The following SEPTIN14 variants were observed in gnomAD, a reference collection of about 807,000 sequenced individuals.
The protein encoded by SEPTIN14 is septin 14.
SEPTIN14 carries 40 observed loss-of-function variants against 53.6 expected under a neutral mutation model. The observed-to-expected ratio is 0.75, with a 90% CI of 0.58 to 0.97. SEPTIN14 has a LOEUF of 0.97. Among genes scored for constraint, SEPTIN14 ranks in the 50% least tolerant of loss-of-function variants. SEPTIN14 has a pLI of 0.00. For synonymous variants in SEPTIN14, 138 were observed against 166.8 expected, an observed-to-expected ratio of 0.83 and a Z score of 1.33; for missense variants, 471 against 508.2, an observed-to-expected ratio of 0.93 and a Z score of 0.70.
intron 5 of SEPTIN14, among the ~76,000 whole-genome samples, chr7:55,839,064 T>C (rs560971205): frequency 1.3e-5 from 2 of 152,246 alleles, no homozygotes; most frequent in African/African-American, 4.8e-5. Context: ...TTATCTCACA[T>C]CATCATAAGA....
intron 6 of SEPTIN14, among the ~76,000 whole-genome samples, chr7:55,825,683 G>T (rs1788970223): frequency 6.6e-6 from 1 of 152,078 alleles, no homozygotes; most frequent in African/African-American, 2.4e-5. Flanking sequence ...AAAGAAGGAT[G>T]GGGCCGGGCG....
chr7:55,793,797 T>A lies in SEPTIN14; in HGVS notation c.*2116A>T, dbSNP rs1243201038. 6.6e-6 allele frequency: 1 copy of A among 151,946 alleles called. No homozygotes were observed. The highest frequency in any genetic ancestry group is 1.5e-5 in the Non-Finnish European group (1 of 67,952). 9.4% of individuals were successfully genotyped at this position (151,946 alleles called of 1,614,324 possible). A position where few individuals can be genotyped will look rare whatever the true frequency, so the allele number is the denominator to read the frequency against. The stretch of plus-strand genomic sequence containing the variant: ...ATAGTAACCAAAAACGAAATCTACA[T>A]AGAATATACACAAAAGGAAATGAGA... On this transcript the variant is annotated 3_prime_UTR_variant, in exon 10 of 10. Transcript: ENST00000388975.
Position 55,841,228 on chromosome 7 carries a change from G to T in SEPTIN14, c.558+1714C>A, listed in dbSNP as rs145306763. ...CTGGCTATTTAGAGATCTATTTATT[G>T]AATTTCTGGATTCAGGGGATATATG... On this transcript the variant is annotated intron_variant, in intron 5 of 9. Coordinates refer to ENST00000388975, the MANE Select transcript of SEPTIN14 (RefSeq NM_207366.3). Among the ~76,000 whole-genome samples, 425 of 152,118 alleles carry T rather than the reference G, an allele frequency of 2.8e-3. 5 individuals carry two copies. The highest frequency in any genetic ancestry group is 0.01 in the Middle Eastern group (3 of 294).
chr7:55,832,004 C>T (rs1434293089), intron 6 of SEPTIN14, among the ~76,000 whole-genome samples: 1 of 152,082 alleles, frequency 6.6e-6, no homozygotes, highest in Non-Finnish European at 1.5e-5. Context: ...GAGTTCAAGA[C>T]CAGCCTGACC....
At chr7:55,806,824 C>T (rs983828956) in intron 8 of SEPTIN14, among the ~76,000 whole-genome samples, 2 of 152,100 alleles carry the variant, frequency 1.3e-5, no homozygotes, top group African/African-American at 4.8e-5. Context: ...GAACAAAATA[C>T]TGGGTTTTTT....
At chr7:55,801,928 T>C (rs749619020) in intron 9 of SEPTIN14, among the ~76,000 whole-genome samples, 32 of 151,270 alleles carry the variant, frequency 2.1e-4, no homozygotes, top group Non-Finnish European at 4.0e-4. Context: ...CTTAAATAGA[T>C]AAATAAAATG....
At chr7:55,852,306 A>T (rs1402258895) in intron 2 of SEPTIN14, among the ~76,000 whole-genome samples, 3 of 152,172 alleles carry the variant, frequency 2.0e-5, no homozygotes, top group Non-Finnish European at 4.4e-5. Flanking sequence ...AACTACAATA[A>T]CCAAAACAGC....
chr7:55,861,972 G>A lies in SEPTIN14; in HGVS notation c.25C>T (p.Pro9Ser), dbSNP rs368346447. ...TCTCCATCAGCAGGTATTTGTGTGG[G>A]CATAGCCATTGTTCTTTCTGCCATG... The part of the protein sequence containing the change: MAERTMAM[P>S]TQIPADGDTQ... Residue 9 changes from proline to serine, a missense_variant, in exon 2 of 10, where the codon CCC becomes TCC. Coordinates refer to ENST00000388975, the MANE Select transcript of SEPTIN14 (RefSeq NM_207366.3). 1.9e-6 allele frequency: 3 copies of A among 1,583,096 alleles called. No homozygotes were observed. Among genetic ancestry groups the A allele is most frequent in the Admixed American group, 3.7e-5 (2 of 53,902 alleles).
intron 6 of SEPTIN14, among the ~76,000 whole-genome samples, chr7:55,820,215 G>A (rs1788868738): frequency 6.6e-6 from 1 of 152,096 alleles, no homozygotes; most frequent in Admixed American, 6.6e-5. Flanking sequence ...TGGCCACGCT[G>A]GTCTTGAACT....
intron 5 of SEPTIN14, among the ~76,000 whole-genome samples, chr7:55,839,435 T>C (rs1789268325): frequency 6.6e-6 from 1 of 152,030 alleles, no homozygotes; most frequent in Non-Finnish European, 1.5e-5. Flanking sequence ...GCAGGTAACT[T>C]TCACATAACT....
intron 2 of SEPTIN14, among the ~76,000 whole-genome samples, chr7:55,851,687 C>T (rs1319840700): frequency 6.6e-6 from 1 of 152,102 alleles, no homozygotes; most frequent in Non-Finnish European, 1.5e-5. Context: ...CAATCCCTAT[C>T]AAAATACCAA....
At chr7:55,803,990 G>C (rs540347346) in intron 9 of SEPTIN14, among the ~76,000 whole-genome samples, 272 of 149,496 alleles carry the variant, frequency 1.8e-3, no homozygotes, top group Middle Eastern at 3.4e-3. Context: ...AAAAAATTTA[G>C]TTGGGCACGG....
At chr7:55,806,215 G>A (rs1243602164) in intron 8 of SEPTIN14, among the ~76,000 whole-genome samples, 1 of 151,984 alleles carries the variant, frequency 6.6e-6, no homozygotes, top group African/African-American at 2.4e-5. Flanking sequence ...TGGCCAGGCT[G>A]ATCTTAAACT....
At chr7:55,860,551 C>T (rs970039536) in intron 2 of SEPTIN14, among the ~76,000 whole-genome samples, 7 of 152,104 alleles carry the variant, frequency 4.6e-5, no homozygotes, top group African/African-American at 1.7e-4. Context: ...GTTCCCAAAA[C>T]ATAGAAATAA....
At chr7:55,820,912 T>G (rs1053769008) in intron 6 of SEPTIN14, among the ~76,000 whole-genome samples, 1 of 151,850 alleles carries the variant, frequency 6.6e-6, no homozygotes, top group Non-Finnish European at 1.5e-5. Context: ...TACATCTCGG[T>G]CTGAGAAACA....
intron 4 of SEPTIN14, among the ~76,000 whole-genome samples, chr7:55,843,998 T>C (rs1789358934): frequency 6.6e-6 from 1 of 152,112 alleles, no homozygotes; most frequent in South Asian, 2.1e-4. Context: ...TAGCCAGGCA[T>C]GGTGGCATGT....
At chr7:55,858,414 G>A (rs1469525052) in intron 2 of SEPTIN14, among the ~76,000 whole-genome samples, 2 of 152,294 alleles carry the variant, frequency 1.3e-5, no homozygotes, top group East Asian at 3.9e-4. Context: ...TAGCACAAAA[G>A]GAAGACTTAA....
At chr7:55,809,981 C>A (rs546936384) in intron 7 of SEPTIN14, among the ~76,000 whole-genome samples, 18 of 151,832 alleles carry the variant, frequency 1.2e-4, no homozygotes, top group African/African-American at 4.1e-4. Flanking sequence ...TACAGGCGCC[C>A]GTCACTACGC....
At chr7:55,835,941 C>A (rs966557869) in intron 5 of SEPTIN14, among the ~76,000 whole-genome samples, 5 of 152,022 alleles carry the variant, frequency 3.3e-5, no homozygotes, top group Admixed American at 6.6e-5. Flanking sequence ...CAGGGTTTCA[C>A]CATGTTGGCC....
Sources: gnomAD v4.1 joint callset for allele counts (sites outside exome capture counted in the v4.1 genomes callset) on GRCh38, gnomAD v4.1.1 for gene constraint, MANE v1.5 for transcripts, NCBI Gene and HGNC (gene_info 2026-07-23, HGNC 2026-07-21) for gene names.